OR3A2: variants seen among roughly 807,000 people sequenced by gnomAD.
OR3A2 encodes the protein olfactory receptor 3A2.
For missense variants in OR3A2, 318 were observed against 392.8 expected (o/e 0.81, Z 1.61); for synonymous variants, 126 against 159.3 (o/e 0.79, Z 1.57).
At chr17:3,283,068 A>G (rs551953556) in intron 1 of OR3A2, among the ~76,000 whole-genome samples, 2 of 152,122 alleles carry the variant, frequency 1.3e-5, no homozygotes, top group African/African-American at 4.8e-5. Flanking sequence ...AACTATCAAT[A>G]TACACCATTT....
intron 3 of OR3A2, among the ~76,000 whole-genome samples, chr17:3,312,669 G>A (rs945897741): frequency 2.6e-5 from 4 of 152,196 alleles, no homozygotes; most frequent in Non-Finnish European, 5.9e-5. Flanking sequence ...CGGTCGCCCA[G>A]GCTGGAGTGC....
At chr17:3,292,621 A>G (rs2150622411) in intron 3 of OR3A2, 1 of 1,466,750 alleles carries the variant, frequency 6.8e-7, no homozygotes. Context: ...GAAAAGAATC[A>G]CTCCTCCCAA....
intron 3 of OR3A2, chr17:3,291,172 T>C (rs1261778348): frequency 6.5e-6 from 1 of 153,982 alleles, no homozygotes; most frequent in Non-Finnish European, 1.4e-5. Context: ...ATTTTTGCTT[T>C]TAGAGTTCTG....
At chr17:3,356,695 C>A (rs1377535148) in intron 2 of OR3A2, among the ~76,000 whole-genome samples, 1 of 151,516 alleles carries the variant, frequency 6.6e-6, no homozygotes, top group East Asian at 1.9e-4. Flanking sequence ...AATCAATAGC[C>A]TTTGGGAGGC....
intron 3 of OR3A2, chr17:3,309,955 C>T: frequency 4.7e-6 from 1 of 210,894 alleles, no homozygotes; most frequent in Non-Finnish European, 9.6e-6. Context: ...TATGGCCATG[C>T]CACCATCTGT....
chr17:3,379,668 G>A (rs555271217), intron 2 of OR3A2, among the ~76,000 whole-genome samples: 25 of 152,314 alleles, frequency 1.6e-4, no homozygotes, highest in Non-Finnish European at 3.2e-4. Context: ...GCTCTTCCCC[G>A]AGCAGAGGAA....
At chr17:3,371,448 G>A (rs230482) in intron 2 of OR3A2, among the ~76,000 whole-genome samples, 44,821 of 131,404 alleles carry the variant, frequency 0.34, 9,257 homozygotes, top group South Asian at 0.49. Context: ...CCTCCCGGAC[G>A]GGGTGGCTGG....
At chr17:3,346,646 GTTTT>G (rs569909751) in intron 2 of OR3A2, among the ~76,000 whole-genome samples, 18 of 144,998 alleles carry the variant, frequency 1.2e-4, no homozygotes, top group African/African-American at 3.5e-4. Context: ...TCTTTCCATG[GTTTT>G]TTTTTTTGTA....
chr17:3,326,311 T>C (rs1180410883), intron 3 of OR3A2, among the ~76,000 whole-genome samples: 1 of 152,064 alleles, frequency 6.6e-6, no homozygotes, highest in African/African-American at 2.4e-5. Flanking sequence ...TACCCAGTAA[T>C]GGGATTGCTG....
At chr17:3,371,669 G>A (rs1370006360) in intron 2 of OR3A2, among the ~76,000 whole-genome samples, 52 of 132,454 alleles carry the variant, frequency 3.9e-4, no homozygotes, top group African/African-American at 1.0e-3. Flanking sequence ...CTCACCTCCC[G>A]GACGGGGCGG....
chr17:3,361,022 T>C (rs2049509824), intron 2 of OR3A2, among the ~76,000 whole-genome samples: 1 of 151,528 alleles, frequency 6.6e-6, no homozygotes, highest in Non-Finnish European at 1.5e-5. Context: ...ATGGCCATTT[T>C]CACGATATTG....
chr17:3,382,458 A>G (rs2318030), intron 2 of OR3A2, among the ~76,000 whole-genome samples: 20,870 of 152,166 alleles, frequency 0.14, 1,767 homozygotes, highest in African/African-American at 0.24. Context: ...TGCCTTCAAG[A>G]CTGGGTACCT....
intron 3 of OR3A2, among the ~76,000 whole-genome samples, chr17:3,302,605 C>T (rs1452305205): frequency 1.3e-5 from 2 of 152,198 alleles, no homozygotes; most frequent in Non-Finnish European, 2.9e-5. Flanking sequence ...CACATGAAAA[C>T]ACAATTTGGG....
chr17:3,287,635 C>T (rs2048825651), upstream of OR3A2, among the ~76,000 whole-genome samples: 1 of 152,122 alleles, frequency 6.6e-6, no homozygotes, highest in South Asian at 2.1e-4. Flanking sequence ...TAATTCTGGA[C>T]TGTATCCTGG....
At chr17:3,355,257 AG>A (rs1343544716) in intron 2 of OR3A2, among the ~76,000 whole-genome samples, 1 of 151,542 alleles carries the variant, frequency 6.6e-6, no homozygotes, top group Non-Finnish European at 1.5e-5. Context: ...GCTGAGGAAA[AG>A]AATGTGTATT....
At chr17:3,278,288 T>C in exon 2 of OR3A2, 29 of 1,614,214 alleles carry the variant, frequency 1.8e-5, no homozygotes, top group Non-Finnish European at 2.5e-5. Context: ...AAGGTGTGCC[T>C]GCCATGATGA....
intron 2 of OR3A2, among the ~76,000 whole-genome samples, chr17:3,374,422 A>G (rs995879421): frequency 1.3e-5 from 2 of 152,198 alleles, no homozygotes; most frequent in Admixed American, 1.3e-4. Flanking sequence ...GTTCTTTCTC[A>G]GGAACACCAA....
At chr17:3,361,796 T>A (rs985759811) in intron 2 of OR3A2, among the ~76,000 whole-genome samples, 1 of 151,656 alleles carries the variant, frequency 6.6e-6, no homozygotes, top group African/African-American at 2.4e-5. Flanking sequence ...CGCTTTTTGA[T>A]GTGCTGCTGG....
chr17:3,320,599 C>A (rs1172206967), intron 3 of OR3A2, among the ~76,000 whole-genome samples: 1 of 147,576 alleles, frequency 6.8e-6, no homozygotes, highest in African/African-American at 2.5e-5. Flanking sequence ...CTACATATGG[C>A]TAGCCAGTTT....
Sources: gnomAD v4.1 joint callset for allele counts (sites outside exome capture counted in the v4.1 genomes callset) on GRCh38, gnomAD v4.1.1 for gene constraint, MANE v1.5 for transcripts, NCBI Gene and HGNC (gene_info 2026-07-23, HGNC 2026-07-21) for gene names.